The following ELF5 variants were observed in gnomAD, a reference collection of about 807,000 sequenced individuals.
ELF5 encodes E74 like ETS transcription factor 5.
ELF5 carries 31 observed loss-of-function variants against 38.2 expected under a neutral mutation model. The observed-to-expected ratio is 0.81, with a 90% confidence interval of 0.61 to 1.10. ELF5 has a LOEUF of 1.10. Among genes scored for constraint, ELF5 ranks in the 50% least tolerant of loss-of-function variants. ELF5 has a pLI of 0.00. For synonymous variants in ELF5, 121 were observed against 112.5 expected (o/e 1.08, Z -0.48); for missense variants, 300 against 306.6 (o/e 0.98, Z 0.16).
intron 4 of ELF5, among the ~76,000 whole-genome samples, chr11:34,486,470 C>A (rs1333968680): frequency 2.0e-5 from 3 of 152,158 alleles, no homozygotes; most frequent in Non-Finnish European, 4.4e-5. Context: ...TATTGTCAAG[C>A]TGGGCCCAGA....
chr11:34,495,309 A>G (rs3758733), intron 2 of ELF5, among the ~76,000 whole-genome samples: 46,826 of 152,120 alleles, frequency 0.31, 8,363 homozygotes, highest in African/African-American at 0.48. Flanking sequence ...CACAGCAAAT[A>G]GCAGTGGTGC....
Position 34,480,210 on chromosome 11 carries a change from G to A in ELF5, c.*8C>T, listed in dbSNP as rs1483208325. On this transcript the variant is annotated 3_prime_UTR_variant, in exon 7 of 7. Coordinates refer to ENST00000257832, the MANE Select transcript of ELF5 (RefSeq NM_001422.4). ...AATCCATAAAATGAGCTTGATGCCT[G>A]GAGCAGATCATAGCTTGTCTTCCTG... is the stretch of plus-strand genomic sequence containing the variant. The A allele has an allele frequency of 1.9e-6, 3 of 1,611,298 alleles. No homozygotes were observed. Among genetic ancestry groups the A allele is most frequent in the South Asian group, 2.2e-5 (2 of 90,978 alleles).
intron 3 of ELF5, 85 bp downstream of exon 3, chr11:34,493,394 T>G (rs737254): frequency 0.39 from 518,542 of 1,324,142 alleles, 108,452 homozygotes; most frequent in Non-Finnish European, 0.43. Context: ...TGCTGTGCAA[T>G]TCACACGATG....
intron 4 of ELF5, among the ~76,000 whole-genome samples, chr11:34,487,008 G>A (rs559784670): frequency 6.6e-6 from 1 of 152,272 alleles, no homozygotes; most frequent in East Asian, 1.9e-4. Flanking sequence ...CCATGATCAC[G>A]TGTCCTGGAC....
intron 3 of ELF5, chr11:34,492,712 G>C (rs1850207464): frequency 6.6e-6 from 1 of 152,514 alleles, no homozygotes; most frequent in South Asian, 2.1e-4. Flanking sequence ...GAGGCAGTGG[G>C]GATTCAGACA....
intron 2 of ELF5, among the ~76,000 whole-genome samples, chr11:34,497,031 A>G (rs2133889964): frequency 6.6e-6 from 1 of 152,334 alleles, no homozygotes; most frequent in East Asian, 1.9e-4. Flanking sequence ...CCTGACTAGA[A>G]AAAATAAAAA....
rs554792898 is a variant in ELF5 at position 34,503,192 on chromosome 11, C to A, written c.121+2437G>T. 3.3e-5 allele frequency among the ~76,000 whole-genome samples: 5 copies of A among 152,288 alleles called. No individual in the cohort carries two copies. The East Asian group carries it at 9.6e-4, about 29-fold the overall frequency. On this transcript the variant is annotated intron_variant, in intron 2 of 6. Transcript: ENST00000257832. ...CTTTTTTTTTGACCCAGAGTCTCCC[C>A]CTGTTGCTCAGGCTGGAGTGCAGTG...
At chr11:34,510,378 C>G (rs7949702) in intron 1 of ELF5, among the ~76,000 whole-genome samples, 15,259 of 151,780 alleles carry the variant, frequency 0.1, 1,004 homozygotes, top group South Asian at 0.15. Context: ...CACAAAAGAC[C>G]TTGGCTACTT....
At chr11:34,510,457 T>C (rs1253284456) in intron 1 of ELF5, among the ~76,000 whole-genome samples, 1 of 152,212 alleles carries the variant, frequency 6.6e-6, no homozygotes, top group Non-Finnish European at 1.5e-5. Context: ...CTCTCTTCTC[T>C]AGGCCCTCTA....
chr11:34,501,574 T>TC (rs1338073538), intron 2 of ELF5, among the ~76,000 whole-genome samples: 1 of 151,508 alleles, frequency 6.6e-6, no homozygotes, highest in Non-Finnish European at 1.5e-5. Context: ...ACATGCAGCC[T>TC]CCCCCCCAAC....
At chr11:34,489,832 C>T (rs1388861164) in intron 4 of ELF5, among the ~76,000 whole-genome samples, 177 bp downstream of exon 4, 1 of 151,816 alleles carries the variant, frequency 6.6e-6, no homozygotes, top group African/African-American at 2.4e-5. Context: ...TCCTACAGAC[C>T]CACACCCACG....
intron 2 of ELF5, among the ~76,000 whole-genome samples, chr11:34,504,200 T>G (rs925187460): frequency 2.6e-5 from 4 of 152,228 alleles, no homozygotes; most frequent in African/African-American, 9.6e-5. Flanking sequence ...CACGGCGACT[T>G]GAAAGTTTTC....
chr11:34,490,598 G>A (rs889289573), intron 3 of ELF5, among the ~76,000 whole-genome samples: 3 of 152,186 alleles, frequency 2.0e-5, no homozygotes, highest in African/African-American at 4.8e-5. Flanking sequence ...AAAGCTCTAT[G>A]TGAATGCTGA....
Position 34,505,651 on chromosome 11 carries a change from G to T in ELF5, c.99C>A (p.Tyr33Ter). The T allele has an allele frequency of 6.2e-7, 1 of 1,614,030 alleles. No individual in the cohort carries two copies. Among genetic ancestry groups the T allele is most frequent in the Non-Finnish European group, 8.5e-7 (1 of 1,179,940 alleles). ...CACCTGTCTGATGCTCAAAGGCAGG[G>T]TAGTACTCTTCATTGCTGAACAGAT... ...WTDLFSNEEY[Y>*]PAFEHQTACD... Residue 33 changes from tyrosine to a stop codon, truncating the protein, a stop_gained, in exon 2 of 7, where the codon TAC becomes TAA. Coordinates refer to ENST00000257832, the MANE Select transcript of ELF5 (RefSeq NM_001422.4). LOFTEE classifies it high-confidence loss of function.
chr11:34,487,679 C>T (rs1850038419), intron 4 of ELF5, among the ~76,000 whole-genome samples: 1 of 152,096 alleles, frequency 6.6e-6, no homozygotes, highest in Non-Finnish European at 1.5e-5. Flanking sequence ...CCTCCTTCTG[C>T]TGATGCTGCT....
Position 34,479,018 on chromosome 11 carries a change from A to G in ELF5, c.*1200T>C, listed in dbSNP as rs1206407994. The G allele has an allele frequency of 6.5e-6, 1 of 152,688 alleles. No individual in the cohort carries two copies. The highest frequency in any genetic ancestry group is 1.5e-5 in the Non-Finnish European group (1 of 68,040). 9.5% of individuals were successfully genotyped at this position (152,688 alleles called of 1,614,324 possible). ...CCTAGGGGCAGTCCACCTAGCTGTC[A>G]GTCACTGATAACTTACATACCAGTG... On this transcript the variant is annotated 3_prime_UTR_variant, in exon 7 of 7. Coordinates refer to ENST00000257832, the MANE Select transcript of ELF5 (RefSeq NM_001422.4).
intron 4 of ELF5, among the ~76,000 whole-genome samples, chr11:34,485,080 G>A (rs1304091701): frequency 1.3e-5 from 2 of 152,140 alleles, no homozygotes; most frequent in Non-Finnish European, 2.9e-5. Context: ...TAAATGCCAA[G>A]TGCTTGGTAA....
chr11:34,494,115 G>T (rs561118151), intron 2 of ELF5, among the ~76,000 whole-genome samples: 1 of 152,338 alleles, frequency 6.6e-6, no homozygotes, highest in South Asian at 2.1e-4. Context: ...GCTTGGCAAG[G>T]TCTGTGGACA....
At chr11:34,501,066 G>A (rs7109462) in intron 2 of ELF5, among the ~76,000 whole-genome samples, 20,064 of 152,212 alleles carry the variant, frequency 0.13, 1,470 homozygotes, top group Admixed American at 0.21. Context: ...AGAAAGTAAG[G>A]CTCACGGGTG....
Sources: allele counts gnomAD v4.1 joint callset (sites outside exome capture counted in the v4.1 genomes callset), GRCh38; gene constraint gnomAD v4.1.1; transcripts MANE v1.5; gene names NCBI Gene and HGNC (gene_info 2026-07-23, HGNC 2026-07-21).